Variants in ARMC3 observed in about 807,000 individuals in gnomAD.
ARMC3 encodes armadillo repeat-containing protein 3.
Under a neutral mutation model 90.3 loss-of-function variants are expected in ARMC3, and 74 were observed. The ratio of observed to expected loss-of-function variants is 0.82; its 90% CI spans 0.68 to 0.99. The LOEUF is 0.99. Among genes scored for constraint, ARMC3 ranks in the 50% least tolerant of loss-of-function variants. The pLI is 0.00. For synonymous variants in ARMC3, 334 were observed against 361.8 expected, an observed-to-expected ratio of 0.92 and a Z score of 0.87; for missense variants, 958 against 1,042.8, an observed-to-expected ratio of 0.92 and a Z score of 1.12.
chr10:22,936,191 T>A (rs1834104758), intron 2 of ARMC3, among the ~76,000 whole-genome samples: 1 of 152,152 alleles, frequency 6.6e-6, no homozygotes, highest in Non-Finnish European at 1.5e-5. Flanking sequence ...GGGCAGTGGG[T>A]CACATCTGTA....
chr10:22,933,507 A>G (rs910701983), intron 2 of ARMC3, among the ~76,000 whole-genome samples: 1 of 152,162 alleles, frequency 6.6e-6, no homozygotes, highest in Non-Finnish European at 1.5e-5. Flanking sequence ...AGCATTAACA[A>G]AATAGAACTC....
rs536368785 is a variant in ARMC3, at chr10:22,966,700, G to A, written c.733-1606G>A. ...TGACTCACAGATCCTAGTGGATGAG[G>A]AGGCCTCAGGAAACTTACAATCATA... is the stretch of plus-strand genomic sequence containing the variant. On this transcript the variant is annotated intron_variant, in intron 7 of 18. Coordinates refer to ENST00000298032, the MANE Select transcript of ARMC3 (RefSeq NM_173081.5). Among the ~76,000 whole-genome samples the A allele has an allele frequency of 3.4e-4, 52 of 152,282 alleles. 1 individual carries two copies. The highest frequency in any genetic ancestry group is 9.8e-4 in the Admixed American group (15 of 15,300).
chr10:22,969,789 G>A (rs990672950), intron 8 of ARMC3, among the ~76,000 whole-genome samples: 15 of 152,264 alleles, frequency 9.9e-5, no homozygotes, highest in South Asian at 4.2e-4. Flanking sequence ...AAATGTTTGC[G>A]TATCTCAGCA....
chr10:22,963,747 G>T (rs1835301753), intron 7 of ARMC3, among the ~76,000 whole-genome samples: 1 of 151,410 alleles, frequency 6.6e-6, no homozygotes, highest in South Asian at 2.1e-4. Context: ...AAAATTAGCT[G>T]GGCATGGTGG....
chr10:22,978,457 C>CA (rs1688368193), intron 8 of ARMC3, among the ~76,000 whole-genome samples: 1 of 152,152 alleles, frequency 6.6e-6, no homozygotes, highest in Admixed American at 6.5e-5. Flanking sequence ...CAATTATCAC[C>CA]ACCTGTTCCC....
chr10:22,991,564 CAGGCCTACATTTCAGTCAGGG>C (rs1415510015), intron 10 of ARMC3, among the ~76,000 whole-genome samples: 1 of 151,982 alleles, frequency 6.6e-6, no homozygotes, highest in Non-Finnish European at 1.5e-5. Flanking sequence ...AGGAACACAT[CAGGCCTACATTTCAGTCAGGG>C]AGGCCAGCAG....
intron 2 of ARMC3, among the ~76,000 whole-genome samples, chr10:22,935,002 T>C (rs1256739168): frequency 3.3e-5 from 5 of 152,196 alleles, no homozygotes; most frequent in African/African-American, 1.2e-4. Flanking sequence ...AGCATGGAAA[T>C]TGTAGTCTTT....
intron 4 of ARMC3, 69 bp downstream of exon 4, chr10:22,956,001 C>T (rs1358925607): frequency 7.3e-7 from 1 of 1,375,932 alleles, no homozygotes; most frequent in South Asian, 1.4e-5. Context: ...TTAAATTTAA[C>T]ATTAAGGAAT....
chr10:23,030,144 T>C (rs1838863553), intron 16 of ARMC3, among the ~76,000 whole-genome samples: 1 of 152,178 alleles, frequency 6.6e-6, no homozygotes, highest in African/African-American at 2.4e-5. Flanking sequence ...CTGCCTAATA[T>C]AGACTCTATA....
intron 8 of ARMC3, among the ~76,000 whole-genome samples, chr10:22,969,788 C>T (rs557991825): frequency 4.6e-5 from 7 of 152,100 alleles, no homozygotes; most frequent in East Asian, 1.9e-4. Flanking sequence ...GAAATGTTTG[C>T]GTATCTCAGC....
chr10:23,000,178 G>A (rs1837218218), intron 11 of ARMC3, among the ~76,000 whole-genome samples: 1 of 152,022 alleles, frequency 6.6e-6, no homozygotes, highest in Admixed American at 6.6e-5. Flanking sequence ...ACCTAAAGCT[G>A]TAAGCTCCAA....
At chr10:23,009,972 C>T (rs1837840397) in intron 16 of ARMC3, among the ~76,000 whole-genome samples, 1 of 152,110 alleles carries the variant, frequency 6.6e-6, no homozygotes, top group African/African-American at 2.4e-5. Flanking sequence ...CCCAAGTCTC[C>T]CAAGGCGTAC....
At chr10:22,975,520 G>A (rs532408116) in intron 8 of ARMC3, among the ~76,000 whole-genome samples, 6 of 152,208 alleles carry the variant, frequency 3.9e-5, no homozygotes, top group South Asian at 4.1e-4. Flanking sequence ...AGCCAAGATC[G>A]CACCATCGCA....
chr10:23,024,380 AAG>A lies in ARMC3; in HGVS notation c.2046-6213_2046-6212del, dbSNP rs1378877514. Among the ~76,000 whole-genome samples the A allele has an allele frequency of 2.7e-5, 4 of 149,624 alleles. No homozygotes were observed. In the Admixed American group the frequency reaches 2.7e-4, roughly 10 times the overall value. ...AAAGAATCTGGAAGGATTAGGAAGAAAGAGGAATGCCACATAGATAGATAGAT... is the reference window on the plus strand; with the variant it reads ...AAAGAATCTGGAAGGATTAGGAAGAAAGGAATGCCACATAGATAGATAGAT... On this transcript the variant is annotated intron_variant, in intron 16 of 18. Coordinates refer to ENST00000298032, the MANE Select transcript of ARMC3 (RefSeq NM_173081.5).
chr10:23,016,169 CAT>C (rs1438209379), intron 16 of ARMC3, among the ~76,000 whole-genome samples: 16 of 152,296 alleles, frequency 1.1e-4, no homozygotes, highest in Middle Eastern at 6.8e-3. Flanking sequence ...CTTTATCACT[CAT>C]GTGGAATTTA....
chr10:22,995,233 A>G (rs1483541561), intron 10 of ARMC3, among the ~76,000 whole-genome samples: 1 of 152,228 alleles, frequency 6.6e-6, no homozygotes. Flanking sequence ...TTTTTTAAAC[A>G]AACAATTTTG....
chr10:22,982,267 A>T (rs1295706932), intron 10 of ARMC3, among the ~76,000 whole-genome samples: 3 of 152,228 alleles, frequency 2.0e-5, no homozygotes, highest in African/African-American at 7.2e-5. Context: ...AATCCCAGCT[A>T]GTCAGGAGGC....
At chr10:23,012,693 C>T (rs1176602784) in intron 16 of ARMC3, among the ~76,000 whole-genome samples, 1 of 152,154 alleles carries the variant, frequency 6.6e-6, no homozygotes, top group Non-Finnish European at 1.5e-5. Context: ...ATGACCAAGA[C>T]AGTCCTATCC....
intron 8 of ARMC3, among the ~76,000 whole-genome samples, chr10:22,970,730 T>G (rs1321321112): frequency 1.3e-5 from 2 of 152,162 alleles, no homozygotes; most frequent in Non-Finnish European, 2.9e-5. Context: ...AATGACTATG[T>G]TGGTTGAAAG....
Sources: gnomAD v4.1 joint callset for allele counts (sites outside exome capture counted in the v4.1 genomes callset) on GRCh38, gnomAD v4.1.1 for gene constraint, MANE v1.5 for transcripts, NCBI Gene and HGNC (gene_info 2026-07-23, HGNC 2026-07-21) for gene names.